The following SGCD variants were observed in gnomAD, a reference collection of about 807,000 sequenced individuals.
The protein encoded by SGCD is sarcoglycan delta.
In SGCD, 18 loss-of-function variants were observed where a neutral mutation model predicts 36.6. The ratio of observed to expected loss-of-function variants is 0.49; its 90% confidence interval spans 0.34 to 0.73. SGCD has a LOEUF of 0.73. Among genes scored for constraint, SGCD ranks in the 30% least tolerant of loss-of-function variants. The probability of loss-of-function intolerance (pLI) is 0.01; values close to 1 mark genes in which losing one functional copy is unlikely to be tolerated. For missense variants in SGCD, 387 were observed against 346.7 expected, an observed-to-expected ratio of 1.12 and a Z score of -0.92; for synonymous variants, 133 against 130.6, an observed-to-expected ratio of 1.02 and a Z score of -0.12.
intron 3 of SGCD, among the ~76,000 whole-genome samples, chr5:156,134,702 G>T (rs2127607720): frequency 6.7e-6 from 1 of 149,044 alleles, no homozygotes; most frequent in East Asian, 2.0e-4. Flanking sequence ...TCGTGGGGTT[G>T]GGGGAGGGGG....
chr5:156,009,114 C>T (rs1758809454), intron 1 of SGCD, among the ~76,000 whole-genome samples: 2 of 152,168 alleles, frequency 1.3e-5, no homozygotes, highest in South Asian at 4.1e-4. Context: ...CAGGTTACTT[C>T]AGCAGGTGGT....
At chr5:155,836,060 G>A in the SGCD span, among the ~76,000 whole-genome samples, 7 of 152,200 alleles carry the variant, frequency 4.6e-5, no homozygotes, top group Non-Finnish European at 7.3e-5. Flanking sequence ...GGGATCTACT[G>A]TATAGTCAAT....
intron 3 of SGCD, among the ~76,000 whole-genome samples, chr5:156,378,877 T>C (rs1173660172): frequency 6.6e-6 from 1 of 152,150 alleles, no homozygotes; most frequent in Non-Finnish European, 1.5e-5. Context: ...AAATGTATAT[T>C]GCATATGATA....
intron 7 of SGCD, among the ~76,000 whole-genome samples, chr5:156,732,731 T>C (rs1396757778): frequency 6.6e-6 from 1 of 152,160 alleles, no homozygotes; most frequent in Non-Finnish European, 1.5e-5. Flanking sequence ...TGGGCTCTTT[T>C]TGGTTGGTAG....
chr5:156,152,168 A>C (rs1002690988), intron 3 of SGCD, among the ~76,000 whole-genome samples: 1 of 151,590 alleles, frequency 6.6e-6, no homozygotes, highest in Admixed American at 6.6e-5. Context: ...TACAAACTTG[A>C]GTTCATTTAA....
chr5:155,880,709 C>T (rs1214687604), intron 1 of SGCD, among the ~76,000 whole-genome samples: 2 of 152,152 alleles, frequency 1.3e-5, no homozygotes, highest in African/African-American at 4.8e-5. Context: ...CTTGGTGACT[C>T]TGCACAGCTG....
intron 3 of SGCD, among the ~76,000 whole-genome samples, chr5:156,492,985 G>T (rs1420393437): frequency 2.6e-5 from 4 of 152,054 alleles, no homozygotes; most frequent in African/African-American, 9.7e-5. Context: ...TGGGTTGATT[G>T]CAAGTCTTTG....
rs114830003 is a variant in SGCD, at chr5:155,989,730, T to A, written c.-282+119306T>A. Among the ~76,000 whole-genome samples, 251 of 152,308 alleles carry A rather than the reference T, an allele frequency of 1.6e-3. 1 individual carries two copies. The highest frequency in any genetic ancestry group is 2.8e-3 in the Non-Finnish European group (193 of 68,018). The stretch of plus-strand genomic sequence containing the variant: ...CAATAAAATGTAAATGTCCTTAGTT[T>A]ATGAGGAAGCAAGAAATAATACCAT... On this transcript the variant is annotated intron_variant, in intron 1 of 9. Transcript: ENST00000517913.
At chr5:155,942,660 C>G (rs1298036564) in intron 1 of SGCD, among the ~76,000 whole-genome samples, 3 of 151,922 alleles carry the variant, frequency 2.0e-5, no homozygotes, top group Non-Finnish European at 2.9e-5. Context: ...CAAGTGTTGG[C>G]TAAAATAAAC....
chr5:156,311,121 T>C (rs1490637103), intron 3 of SGCD, among the ~76,000 whole-genome samples: 1 of 152,226 alleles, frequency 6.6e-6, no homozygotes, highest in Non-Finnish European at 1.5e-5. Context: ...AAAAATGTTT[T>C]GTATAAAGTG....
intron 1 of SGCD, among the ~76,000 whole-genome samples, chr5:155,926,255 C>T (rs552853967): frequency 5.9e-5 from 9 of 152,298 alleles, no homozygotes; most frequent in Admixed American, 1.3e-4. Flanking sequence ...AGATTCTCCG[C>T]AAGTTTGCTG....
chr5:156,181,758 A>G (rs1763612324), intron 3 of SGCD, among the ~76,000 whole-genome samples: 1 of 152,200 alleles, frequency 6.6e-6, no homozygotes, highest in Non-Finnish European at 1.5e-5. Flanking sequence ...CATTACAGCA[A>G]GTCAATGGTT....
chr5:156,729,055 T>A (rs774859233), intron 7 of SGCD, among the ~76,000 whole-genome samples: 12 of 152,226 alleles, frequency 7.9e-5, no homozygotes, highest in Non-Finnish European at 1.8e-4. Flanking sequence ...ATTGGTACAT[T>A]TCATTAGAAA....
chr5:155,805,112 G>C, the SGCD span, among the ~76,000 whole-genome samples: 2 of 152,208 alleles, frequency 1.3e-5, no homozygotes, highest in African/African-American at 4.8e-5. Flanking sequence ...TAGAAAATAT[G>C]GGTGTACATG....
chr5:156,584,062 G>A (rs532902838), intron 4 of SGCD, among the ~76,000 whole-genome samples: 6 of 152,178 alleles, frequency 3.9e-5, no homozygotes, highest in East Asian at 1.9e-4. Flanking sequence ...AGAAACAAAC[G>A]TTTTCTTACA....
At chr5:156,633,483 A>G (rs1382039469) in intron 6 of SGCD, among the ~76,000 whole-genome samples, 2 of 152,196 alleles carry the variant, frequency 1.3e-5, no homozygotes, top group South Asian at 2.1e-4. Flanking sequence ...AGTTAAGAAC[A>G]TGGCCTCTGC....
At position 156,281,460 on chromosome 5, in the gene SGCD, A is replaced by G. The variant is rs551472664; in HGVS notation, c.-43-48074A>G. Reference sequence around the variant, plus strand: ...GTGTGCCTGTGTGTGGAAAGCGGGGAGTGGTAGTCATGGAAAAGAAGGTTA... The same window carrying G: ...GTGTGCCTGTGTGTGGAAAGCGGGGGGTGGTAGTCATGGAAAAGAAGGTTA... On this transcript the variant is annotated intron_variant, in intron 3 of 9. Coordinates refer to the SGCD transcript ENST00000517913. 3.2e-3 allele frequency among the ~76,000 whole-genome samples: 488 copies of G among 152,126 alleles called. 3 individuals are homozygous for G. The highest frequency in any genetic ancestry group is 0.011 in the African/African-American group (449 of 41,498).
At chr5:156,243,040 A>G (rs1489081759) in intron 3 of SGCD, among the ~76,000 whole-genome samples, 2 of 152,220 alleles carry the variant, frequency 1.3e-5, no homozygotes, top group Non-Finnish European at 2.9e-5. Context: ...AGGGTGGTGC[A>G]TGAGAAGATG....
intron 4 of SGCD, among the ~76,000 whole-genome samples, chr5:156,520,743 C>T (rs1198444810): frequency 6.6e-5 from 10 of 151,816 alleles, no homozygotes; most frequent in East Asian, 1.9e-4. Flanking sequence ...CACAGCCAGG[C>T]GCGGTGGCTC....
Sources: gnomAD v4.1 joint callset for allele counts (sites outside exome capture counted in the v4.1 genomes callset) on GRCh38, gnomAD v4.1.1 for gene constraint, MANE v1.5 for transcripts, NCBI Gene and HGNC (gene_info 2026-07-23, HGNC 2026-07-21) for gene names.